The following ZFHX3 variants were observed in gnomAD, a reference collection of about 807,000 sequenced individuals.
ZFHX3 encodes the protein zinc finger homeobox protein 3.
ZFHX3 carries 42 observed loss-of-function variants against 279.1 expected under a neutral mutation model. The observed-to-expected ratio is 0.15, with a 90% CI of 0.12 to 0.19. The LOEUF (loss-of-function observed/expected upper bound fraction) is 0.19, where lower values mean the gene tolerates loss of function less well. ZFHX3 is among the 10% of genes least tolerant of loss of function. The probability of loss-of-function intolerance (pLI) is 1.00; values close to 1 mark genes in which losing one functional copy is unlikely to be tolerated. For synonymous variants in ZFHX3, 2,293 were observed against 1,957.8 expected, an observed-to-expected ratio of 1.17 and a Z score of -4.52; for missense variants, 4,981 against 4,754.0, an observed-to-expected ratio of 1.05 and a Z score of -1.40.
intron 5 of ZFHX3, among the ~76,000 whole-genome samples, chr16:73,172,985 A>G (rs1202111332): frequency 1.3e-3 from 30 of 23,376 alleles, no homozygotes; most frequent in Admixed American, 2.4e-3. Context: ...TCCTGATGGG[A>G]CTGTTTTTTT....
chr16:73,352,924 G>C (rs550005562), intron 3 of ZFHX3, among the ~76,000 whole-genome samples: 1 of 152,218 alleles, frequency 6.6e-6, no homozygotes, highest in African/African-American at 2.4e-5. Context: ...TTCAGGGCTG[G>C]GGTCCCAAGC....
chr16:72,928,614 C>A (rs1959618743), intron 3 of ZFHX3, among the ~76,000 whole-genome samples: 1 of 152,090 alleles, frequency 6.6e-6, no homozygotes. Flanking sequence ...ATAAGATTAC[C>A]CCTGGAAGAC....
intron 6 of ZFHX3, among the ~76,000 whole-genome samples, chr16:73,135,187 C>T (rs541129965): frequency 1.3e-5 from 2 of 152,174 alleles, no homozygotes; most frequent in Non-Finnish European, 2.9e-5. Flanking sequence ...TCCAAGAAAT[C>T]TTGCAATAGA....
intron 2 of ZFHX3, among the ~76,000 whole-genome samples, chr16:73,514,028 C>T (rs1315816223): frequency 1.3e-5 from 2 of 152,158 alleles, no homozygotes; most frequent in African/African-American, 4.8e-5. Flanking sequence ...GCAGTCAGAT[C>T]CCAATGTGGG....
chr16:73,879,694 T>C (rs750333343), intron 1 of ZFHX3, among the ~76,000 whole-genome samples: 1 of 152,274 alleles, frequency 6.6e-6, no homozygotes, highest in Non-Finnish European at 1.5e-5. Context: ...ATATTTTCCA[T>C]GTATAGGTAT....
intron 4 of ZFHX3, among the ~76,000 whole-genome samples, chr16:72,872,711 G>A (rs1048020341): frequency 2.0e-5 from 3 of 152,118 alleles, no homozygotes; most frequent in Admixed American, 6.5e-5. Flanking sequence ...CACCCGCCTC[G>A]GCCTCACAAA....
At chr16:73,214,726 C>A (rs1269871593) in intron 5 of ZFHX3, among the ~76,000 whole-genome samples, 1 of 152,138 alleles carries the variant, frequency 6.6e-6, no homozygotes. Context: ...TACAACTCAA[C>A]ACAAGAGCCT....
intron 2 of ZFHX3, among the ~76,000 whole-genome samples, chr16:73,661,350 G>A (rs2052782372): frequency 6.6e-6 from 1 of 152,220 alleles, no homozygotes; most frequent in South Asian, 2.1e-4. Flanking sequence ...TTAACTCACT[G>A]TAATTTGGAA....
intron 2 of ZFHX3, among the ~76,000 whole-genome samples, chr16:73,677,395 G>T (rs1049907959): frequency 6.6e-6 from 1 of 151,686 alleles, no homozygotes; most frequent in African/African-American, 2.4e-5. Flanking sequence ...AAAAATCATA[G>T]CAAAGTTCAT....
At chr16:73,700,149 G>A (rs903565380) in intron 1 of ZFHX3, among the ~76,000 whole-genome samples, 1 of 152,042 alleles carries the variant, frequency 6.6e-6, no homozygotes, top group Non-Finnish European at 1.5e-5. Flanking sequence ...CTTGAGCTGG[G>A]AAATCAAGGC....
chr16:73,342,383 T>C (rs2016049143), intron 3 of ZFHX3, among the ~76,000 whole-genome samples: 1 of 152,216 alleles, frequency 6.6e-6, no homozygotes, highest in South Asian at 2.1e-4. Context: ...GGCTACATAC[T>C]GAAGCATGGT....
chr16:73,719,695 G>A (rs143909603), intron 1 of ZFHX3, among the ~76,000 whole-genome samples: 3,621 of 151,908 alleles, frequency 0.024, 53 homozygotes, highest in South Asian at 0.034. Flanking sequence ...AATGGGTGGC[G>A]CGATCTCGGC....
chr16:73,404,676 G>A (rs148057141), intron 3 of ZFHX3, among the ~76,000 whole-genome samples: 5 of 152,134 alleles, frequency 3.3e-5, no homozygotes, highest in African/African-American at 9.6e-5. Flanking sequence ...AACAGAAAAA[G>A]GCAAGTACTA....
chr16:73,636,232 C>T (rs1030212702), intron 2 of ZFHX3, among the ~76,000 whole-genome samples: 1 of 152,150 alleles, frequency 6.6e-6, no homozygotes, highest in Non-Finnish European at 1.5e-5. Flanking sequence ...ATCTTCAAAA[C>T]TAAACTCATT....
chr16:73,621,826 T>A (rs1192327855), intron 2 of ZFHX3, among the ~76,000 whole-genome samples: 1 of 152,056 alleles, frequency 6.6e-6, no homozygotes, highest in Non-Finnish European at 1.5e-5. Flanking sequence ...ACCGAACAGC[T>A]TAGGAGTTTC....
At position 73,703,585 on chromosome 16, in the gene ZFHX3, C is replaced by T. The variant is rs1433113311; in HGVS notation, c.-1607-23345G>A. Among the ~76,000 whole-genome samples, 6 of 151,988 alleles carry T rather than the reference C, an allele frequency of 3.9e-5. No individual in the cohort carries two copies. In the South Asian group the frequency reaches 6.2e-4, roughly 16 times the overall value. On this transcript the variant is annotated intron_variant, in intron 1 of 17. Transcript: ENST00000641206. ...AAGCAGAGAGAGTCATGAAACGGTACCCATAACGAACCAGTAATAAAGAAG... is the reference window on the plus strand; with the variant it reads ...AAGCAGAGAGAGTCATGAAACGGTATCCATAACGAACCAGTAATAAAGAAG...
intron 3 of ZFHX3, among the ~76,000 whole-genome samples, chr16:73,437,926 C>G (rs896893089): frequency 6.6e-6 from 1 of 152,160 alleles, no homozygotes; most frequent in South Asian, 2.1e-4. Context: ...TATCATCATG[C>G]TACTTTCTGA....
chr16:72,872,645 G>C (rs2038192828), intron 4 of ZFHX3, among the ~76,000 whole-genome samples: 1 of 152,146 alleles, frequency 6.6e-6, no homozygotes. Flanking sequence ...TTTTAGTAGA[G>C]AAGGGGTTTC....
chr16:73,447,073 C>T (rs540845425), intron 3 of ZFHX3, among the ~76,000 whole-genome samples: 5 of 150,710 alleles, frequency 3.3e-5, no homozygotes, highest in East Asian at 4.0e-4. Context: ...CCCAGCTACT[C>T]GGGAGGCTGA....
Sources: gnomAD v4.1 joint callset for allele counts (sites outside exome capture counted in the v4.1 genomes callset) on GRCh38, gnomAD v4.1.1 for gene constraint, MANE v1.5 for transcripts, NCBI Gene and HGNC (gene_info 2026-07-23, HGNC 2026-07-21) for gene names.